Variants in ZNF407 observed in about 807,000 individuals in gnomAD.
ZNF407 encodes the protein zinc finger protein 407.
ZNF407 carries 17 observed loss-of-function variants against 131.2 expected under a neutral mutation model. The ratio of observed to expected loss-of-function variants is 0.13; its 90% CI spans 0.09 to 0.19. The LOEUF (loss-of-function observed/expected upper bound fraction) is 0.19, where lower values mean the gene tolerates loss of function less well. Among genes scored for constraint, ZNF407 ranks in the 10% least tolerant of loss-of-function variants. ZNF407 has a pLI of 1.00. For synonymous variants in ZNF407, 1,156 were observed against 1,062.0 expected, an observed-to-expected ratio of 1.09 and a Z score of -1.72; for missense variants, 2,681 against 2,830.6, an observed-to-expected ratio of 0.95 and a Z score of 1.20.
At chr18:74,993,091 A>G (rs1485488607) in intron 8 of ZNF407, among the ~76,000 whole-genome samples, 5 of 152,204 alleles carry the variant, frequency 3.3e-5, no homozygotes, top group South Asian at 2.1e-4. Context: ...GTAAAACTAA[A>G]CATATACTTA....
intron 8 of ZNF407, among the ~76,000 whole-genome samples, chr18:74,955,594 G>T (rs1372537705): frequency 6.6e-6 from 1 of 152,160 alleles, no homozygotes; most frequent in East Asian, 1.9e-4. Flanking sequence ...GCTACATTGT[G>T]ATGTACTGGG....
rs940542336 is a variant in ZNF407, at chr18:74,633,626, T to C, written c.2607T>C (p.Ile869=). 3.7e-6 allele frequency: 6 copies of C among 1,613,916 alleles called. No homozygotes were observed. Among genetic ancestry groups the C allele is most frequent in the Admixed American group, 3.3e-5 (2 of 60,012 alleles). ...ASSITNLTVH[I]RRKHSHQYSY... ...GTATTACAAACTTGACTGTTCACATTAGACGAAAACACAGTCACCAGTATA... is the reference window on the plus strand; with the variant it reads ...GTATTACAAACTTGACTGTTCACATCAGACGAAAACACAGTCACCAGTATA... Residue 869 remains isoleucine, a synonymous_variant, in exon 2 of 9, where the codon ATT becomes ATC. Coordinates refer to ENST00000299687, the MANE Select transcript of ZNF407 (RefSeq NM_017757.3).
intron 7 of ZNF407, among the ~76,000 whole-genome samples, chr18:74,913,442 C>T (rs1316792512): frequency 1.3e-5 from 2 of 152,020 alleles, no homozygotes; most frequent in African/African-American, 2.4e-5. Flanking sequence ...CTTCGGTGTT[C>T]GATACGGCGA....
In ZNF407 at chr18:75,035,472, G is replaced by A. The variant is rs144060199; in HGVS notation, c.5429-27678G>A. ...TGATTGACGTTCAGTATGGCAAATG[G>A]AATAGGTAGATACCAATAGAATGGA... On this transcript the variant is annotated intron_variant, in intron 8 of 8. Coordinates refer to ENST00000299687, the MANE Select transcript of ZNF407 (RefSeq NM_017757.3). Among the ~76,000 whole-genome samples, 1,222 of 152,306 alleles carry A rather than the reference G, an allele frequency of 8.0e-3. 8 individuals carry two copies. The highest frequency in any genetic ancestry group is 0.013 in the Non-Finnish European group (895 of 68,024).
intron 3 of ZNF407, among the ~76,000 whole-genome samples, chr18:74,658,647 T>A (rs901895887): frequency 6.6e-6 from 1 of 152,288 alleles, no homozygotes; most frequent in Non-Finnish European, 1.5e-5. Flanking sequence ...CATAAAATAA[T>A]TCTTTACAAA....
At position 74,610,482 on chromosome 18, in the gene ZNF407, C is replaced by T. The variant is rs114308677; in HGVS notation, c.-54+12545C>T. 8.0e-3 allele frequency among the ~76,000 whole-genome samples: 1,222 copies of T among 152,194 alleles called. 15 individuals are homozygous for T. Among genetic ancestry groups the T allele is most frequent in the African/African-American group, 0.028 (1,149 of 41,506 alleles). Reference sequence around the variant, plus strand: ...TAGGTAATTACCATTTGAGGACGTTCGTTTTCCTGTACTTTCCCAATGCTT... The same window carrying T: ...TAGGTAATTACCATTTGAGGACGTTTGTTTTCCTGTACTTTCCCAATGCTT... On this transcript the variant is annotated intron_variant, in intron 1 of 8. Coordinates refer to ENST00000299687, the MANE Select transcript of ZNF407 (RefSeq NM_017757.3).
intron 3 of ZNF407, among the ~76,000 whole-genome samples, chr18:74,700,439 G>A (rs1185596196): frequency 6.6e-6 from 1 of 152,148 alleles, no homozygotes; most frequent in Admixed American, 6.5e-5. Flanking sequence ...GAGTATCAGA[G>A]GTGTGATGTC....
At position 74,877,373 on chromosome 18, in the gene ZNF407, G is replaced by A. The variant is rs750841114; in HGVS notation, c.5044+10G>A. ...TACAGGACGCACACAGGTGTGCCGC[G>A]CCGCCTTCCTATCCCAGGAGGCTGG... On this transcript the variant is annotated intron_variant, in intron 5 of 8. Coordinates refer to ENST00000299687, the MANE Select transcript of ZNF407 (RefSeq NM_017757.3). 1.4e-5 allele frequency: 22 copies of A among 1,609,086 alleles called. No individual in the cohort carries two copies. The highest frequency in any genetic ancestry group is 1.4e-5 in the Non-Finnish European group (17 of 1,177,058).
At chr18:74,983,548 A>G (rs1972618030) in intron 8 of ZNF407, among the ~76,000 whole-genome samples, 1 of 152,284 alleles carries the variant, frequency 6.6e-6, no homozygotes, top group South Asian at 2.1e-4. Context: ...TTTTTGAATG[A>G]TTTATGAGTC....
chr18:74,798,706 G>C (rs1969966998), intron 4 of ZNF407, among the ~76,000 whole-genome samples: 1 of 152,080 alleles, frequency 6.6e-6, no homozygotes, highest in South Asian at 2.1e-4. Flanking sequence ...GAGTAGTAAG[G>C]ATATTATCTT....
rs544990000 is a variant in ZNF407 at position 74,701,067 on chromosome 18, C to T, written c.4802+59945C>T. ...AAAGACAACAGACAGCTGTCTCTCTCCTCCTCCGCATGCACACTTGTCCTC... is the reference window on the plus strand; with the variant it reads ...AAAGACAACAGACAGCTGTCTCTCTTCTCCTCCGCATGCACACTTGTCCTC... On this transcript the variant is annotated intron_variant, in intron 3 of 8. Coordinates refer to ENST00000299687, the MANE Select transcript of ZNF407 (RefSeq NM_017757.3). 5.9e-5 allele frequency among the ~76,000 whole-genome samples: 9 copies of T among 152,270 alleles called. 1 individual carries two copies. The South Asian group carries it at 1.9e-3, about 32-fold the overall frequency.
At chr18:74,799,119 A>G (rs1457438136) in intron 4 of ZNF407, among the ~76,000 whole-genome samples, 15 of 152,122 alleles carry the variant, frequency 9.9e-5, no homozygotes. Context: ...ATTGCCCACA[A>G]ATTTTTAGGT....
At chr18:74,656,688 A>G (rs1343477658) in intron 3 of ZNF407, among the ~76,000 whole-genome samples, 1 of 152,178 alleles carries the variant, frequency 6.6e-6, no homozygotes, top group Non-Finnish European at 1.5e-5. Context: ...ATCTACAGTA[A>G]TGAGTCCCTG....
chr18:74,615,686 T>G (rs187548182), intron 1 of ZNF407, among the ~76,000 whole-genome samples: 2 of 152,338 alleles, frequency 1.3e-5, no homozygotes, highest in Admixed American at 1.3e-4. Flanking sequence ...ATAACATTTC[T>G]GTTTTCTGTT....
At chr18:75,028,230 G>T (rs963125794) in intron 8 of ZNF407, among the ~76,000 whole-genome samples, 1 of 152,214 alleles carries the variant, frequency 6.6e-6, no homozygotes, top group African/African-American at 2.4e-5. Context: ...TTAAACAACA[G>T]ACATTTATTT....
chr18:75,055,007 G>A (rs1272405354), intron 8 of ZNF407, among the ~76,000 whole-genome samples: 1 of 152,216 alleles, frequency 6.6e-6, no homozygotes, highest in African/African-American at 2.4e-5. Context: ...AGGCCAGGGT[G>A]TCTCCAAGAG....
chr18:74,711,126 G>C (rs1967751033), intron 3 of ZNF407, among the ~76,000 whole-genome samples: 1 of 151,950 alleles, frequency 6.6e-6, no homozygotes, highest in Non-Finnish European at 1.5e-5. Context: ...GAGTGGGCTG[G>C]GGAGGGGCTA....
chr18:75,002,995 TC>T (rs1326203231), intron 8 of ZNF407, among the ~76,000 whole-genome samples: 1 of 152,186 alleles, frequency 6.6e-6, no homozygotes, highest in African/African-American at 2.4e-5. Flanking sequence ...TGCCTTAGCA[TC>T]CATATCACAC....
chr18:74,680,910 T>C (rs761570611), intron 3 of ZNF407, among the ~76,000 whole-genome samples: 15 of 152,224 alleles, frequency 9.9e-5, no homozygotes, highest in Non-Finnish European at 1.2e-4. Context: ...TAGATGGTCA[T>C]AGTATAAACT....
Sources: allele counts gnomAD v4.1 joint callset (sites outside exome capture counted in the v4.1 genomes callset), GRCh38; gene constraint gnomAD v4.1.1; transcripts MANE v1.5; gene names NCBI Gene and HGNC (gene_info 2026-07-23, HGNC 2026-07-21).